Variants in AHCY observed in about 807,000 individuals in gnomAD.
The protein encoded by AHCY is S-adenosyl-L-homocysteine hydrolase.
In AHCY, 24 loss-of-function variants were observed where a neutral mutation model predicts 45.4. That is an observed-to-expected ratio of 0.53 (90% CI 0.38 to 0.74). The LOEUF (loss-of-function observed/expected upper bound fraction) is 0.74, where lower values mean the gene tolerates loss of function less well. Among genes scored for constraint, AHCY ranks in the 30% least tolerant of loss-of-function variants. The pLI is 0.00. For missense variants in AHCY, 449 were observed against 594.1 expected (o/e 0.76, Z 2.54); for synonymous variants, 245 against 235.1 (o/e 1.04, Z -0.39).
At chr20:34,232,936 T>C in the AHCY span, among the ~76,000 whole-genome samples, 4 of 152,192 alleles carry the variant, frequency 2.6e-5, no homozygotes, top group Non-Finnish European at 5.9e-5. Context: ...CTAAGGGACA[T>C]AGAGAACATT....
At chr20:34,269,455 A>C in the AHCY span, 3 of 425,580 alleles carry the variant, frequency 7.0e-6, no homozygotes, top group Non-Finnish European at 1.2e-5. Context: ...CCAGCCTCAC[A>C]GCTGCACTCC....
downstream of AHCY, among the ~76,000 whole-genome samples, chr20:34,276,283 A>G (rs1332479487): frequency 2.6e-5 from 4 of 152,126 alleles, no homozygotes; most frequent in African/African-American, 9.7e-5. Flanking sequence ...TAAGCCCTCC[A>G]GGTGTTTCTG....
chr20:34,298,134 G>C (rs1044913085), intron 1 of AHCY, among the ~76,000 whole-genome samples: 4 of 151,948 alleles, frequency 2.6e-5, no homozygotes, highest in African/African-American at 9.7e-5. Flanking sequence ...GTGAGACTCG[G>C]TCTCAAAAAA....
chr20:34,303,701 G>C (rs1167918002), upstream of AHCY, among the ~76,000 whole-genome samples: 1 of 152,176 alleles, frequency 6.6e-6, no homozygotes, highest in African/African-American at 2.4e-5. Flanking sequence ...ATTATTATAA[G>C]TAAAGTTGCA....
chr20:34,290,958 G>C lies in AHCY; in HGVS notation c.559-20C>G. The C allele has an allele frequency of 6.2e-7, 1 of 1,612,996 alleles. No homozygotes were observed. The highest frequency in any genetic ancestry group is 8.5e-7 in the Non-Finnish European group (1 of 1,179,102). ...CTTGCTCTGAAAGGAAAGGGGGTAA[G>C]GAGACAATAGGGGCAGGCAAGGCCC... is the stretch of plus-strand genomic sequence containing the variant. On this transcript the variant is annotated intron_variant, in intron 5 of 9. Coordinates refer to ENST00000217426, the MANE Select transcript of AHCY (RefSeq NM_000687.4). The surrounding 1 kb of genome is among the most constrained non-coding windows in gnomAD (Gnocchi z 4.5).
At chr20:34,295,264 G>A (rs1420038771) in intron 2 of AHCY, 131 bp downstream of exon 2, 2 of 1,095,578 alleles carry the variant, frequency 1.8e-6, no homozygotes, top group Non-Finnish European at 2.7e-6. Context: ...AACCGAGTGA[G>A]AGGGAGGAAC....
At chr20:34,284,069 G>C (rs1212213080) in intron 9 of AHCY, among the ~76,000 whole-genome samples, 1 of 152,186 alleles carries the variant, frequency 6.6e-6, no homozygotes, top group Non-Finnish European at 1.5e-5. Context: ...GGACTGCATG[G>C]GGTGTTAGGG....
the AHCY span, among the ~76,000 whole-genome samples, chr20:34,273,980 A>G: frequency 6.8e-5 from 4 of 58,544 alleles, no homozygotes; most frequent in Non-Finnish European, 2.8e-4. Flanking sequence ...GGCACCTTCT[A>G]ATGGTGAGAA....
the AHCY span, among the ~76,000 whole-genome samples, chr20:34,250,519 C>T: frequency 6.6e-6 from 1 of 151,996 alleles, no homozygotes. Context: ...TTAAAAAGGC[C>T]GAGCACGGTG....
chr20:34,281,031 C>A lies in AHCY; in HGVS notation c.*3G>T. The stretch of plus-strand genomic sequence containing the variant: ...GCTGGAGGGTGAAACGCAGACCTGG[C>A]TCTCAGTAGCGGTAGTGATCCGGCT... On this transcript the variant is annotated 3_prime_UTR_variant, in exon 10 of 10. Coordinates refer to ENST00000217426, the MANE Select transcript of AHCY (RefSeq NM_000687.4). 1 of 1,614,114 alleles carries A rather than the reference C, an allele frequency of 6.2e-7. No homozygotes were observed. The highest frequency in any genetic ancestry group is 8.5e-7 in the Non-Finnish European group (1 of 1,180,012).
At chr20:34,255,919 G>A in the AHCY span, among the ~76,000 whole-genome samples, 1 of 152,096 alleles carries the variant, frequency 6.6e-6, no homozygotes, top group Non-Finnish European at 1.5e-5. Flanking sequence ...AGTTAGAGAA[G>A]ACTCTGCTCC....
chr20:34,304,148 G>A (rs938563956), upstream of AHCY, among the ~76,000 whole-genome samples: 3 of 152,174 alleles, frequency 2.0e-5, no homozygotes, highest in African/African-American at 4.8e-5. Flanking sequence ...TCATTAAATA[G>A]TTCTGTGTTT....
chr20:34,268,660 C>T, the AHCY span, among the ~76,000 whole-genome samples: 7 of 151,604 alleles, frequency 4.6e-5, no homozygotes, highest in Non-Finnish European at 8.8e-5. Context: ...CGCCTGAGCC[C>T]GAGATCGAGA....
the AHCY span, among the ~76,000 whole-genome samples, chr20:34,248,082 T>C: frequency 1.3e-5 from 2 of 152,028 alleles, no homozygotes; most frequent in African/African-American, 4.8e-5. Flanking sequence ...GATGGGCGCC[T>C]GTAATCCCAG....
chr20:34,279,784 G>C (rs2035948974), downstream of AHCY, among the ~76,000 whole-genome samples: 1 of 152,060 alleles, frequency 6.6e-6, no homozygotes, highest in African/African-American at 2.4e-5. Context: ...ACTTGACATT[G>C]TATCTTTAGA....
the AHCY span, among the ~76,000 whole-genome samples, chr20:34,266,541 T>G: frequency 3.3e-5 from 5 of 150,206 alleles, no homozygotes; most frequent in Non-Finnish European, 7.4e-5. Flanking sequence ...GGCGTGGTGG[T>G]GCACGCCTGT....
intron 1 of AHCY, among the ~76,000 whole-genome samples, chr20:34,298,115 G>T (rs1167470132): frequency 6.6e-6 from 1 of 152,034 alleles, no homozygotes; most frequent in East Asian, 1.9e-4. Context: ...CTCCAGCCTG[G>T]GTGACAGAGT....
chr20:34,293,264 G>A (rs1454859400), intron 3 of AHCY, among the ~76,000 whole-genome samples: 5 of 151,986 alleles, frequency 3.3e-5, no homozygotes, highest in Middle Eastern at 3.4e-3. Flanking sequence ...CTGACCACCA[G>A]CCCACACTCC....
At chr20:34,293,153 C>A (rs1490413820) in intron 3 of AHCY, among the ~76,000 whole-genome samples, 4 of 152,144 alleles carry the variant, frequency 2.6e-5, no homozygotes, top group African/African-American at 9.7e-5. Flanking sequence ...TGTGAGGCAG[C>A]CATGACCATT....
Sources: gnomAD v4.1 joint callset for allele counts (sites outside exome capture counted in the v4.1 genomes callset) on GRCh38, gnomAD v4.1.1 for gene constraint, Gnocchi (gnomAD v3.1) non-coding constraint, MANE v1.5 for transcripts, NCBI Gene and HGNC (gene_info 2026-07-23, HGNC 2026-07-21) for gene names.